The following P2RY8 variants were observed in gnomAD, a reference collection of about 807,000 sequenced individuals.
The protein encoded by P2RY8 is S-geranylgeranyl-glutathione receptor P2RY8.
P2RY8 carries 6 observed loss-of-function variants against 10.0 expected under a neutral mutation model. That is an observed-to-expected ratio of 0.60 (90% CI 0.33 to 1.19). P2RY8 has a LOEUF of 1.19. Ranked by LOEUF, P2RY8 falls within the 50% of genes most tolerant of loss-of-function variation. The pLI is 0.04. For synonymous variants in P2RY8, 276 were observed against 252.5 expected (o/e 1.09, Z -0.88); for missense variants, 456 against 542.0 (o/e 0.84, Z 1.58).
chrX:1,519,535 T>G (rs1336894903), intron 1 of P2RY8, among the ~76,000 whole-genome samples: 1 of 150,738 alleles, frequency 6.6e-6, no homozygotes, highest in African/African-American at 2.4e-5. Context: ...GGTCCCAATA[T>G]TCTCTCTGGT....
At chrX:1,480,165 G>A (rs28685231) in intron 1 of P2RY8, among the ~76,000 whole-genome samples, 21,119 of 152,066 alleles carry the variant, frequency 0.14, 3,322 homozygotes, top group African/African-American at 0.39. Context: ...GCTTACAGCT[G>A]ATAGACAAGG....
In P2RY8 at chrX:1,521,306, A is replaced by G. The variant is rs185258106; in HGVS notation, c.-25+15615T>C. Among the ~76,000 whole-genome samples, 844 of 152,050 alleles carry G rather than the reference A, an allele frequency of 5.6e-3. 3 individuals are homozygous for G. Among genetic ancestry groups the G allele is most frequent in the African/African-American group, 0.019 (805 of 41,494 alleles). ...CGTCATCCGCCCGCCTTGGCCTCCC[A>G]AAGTGCTGGGATTACAGGCATGAGC... On this transcript the variant is annotated intron_variant, in intron 1 of 1. Coordinates refer to ENST00000381297, the MANE Select transcript of P2RY8 (RefSeq NM_178129.5).
rs760195384 is a variant in P2RY8, at chrX:1,505,019, T to C, written c.-25+31902A>G. 3.4e-4 allele frequency among the ~76,000 whole-genome samples: 51 copies of C among 151,552 alleles called. 4 individuals carry two copies. The South Asian group carries it at 0.01, about 31-fold the overall frequency. On this transcript the variant is annotated intron_variant, in intron 1 of 1. Transcript: ENST00000381297. The stretch of plus-strand genomic sequence containing the variant: ...CGGGCGTGGTGGCAGGCGCCTGTAG[T>C]CCCAGCTACTTGGGAGGCTGAGGCA...
intron 1 of P2RY8, among the ~76,000 whole-genome samples, chrX:1,509,808 T>TGTATCCATC (rs1569538166): frequency 0.062 from 4,886 of 79,404 alleles, 220 homozygotes; most frequent in Non-Finnish European, 0.12. Context: ...TATCTATCTA[T>TGTATCCATC]CTATCTATCT....
rs182755358 is a variant in P2RY8, at chrX:1,532,049, C to T, written c.-25+4872G>A. ...GAACTACCATTTGATCCAGCAATCC[C>T]ACTGCTGGGTATCTAGGTAGAGGAA... On this transcript the variant is annotated intron_variant, in intron 1 of 1. Coordinates refer to ENST00000381297, the MANE Select transcript of P2RY8 (RefSeq NM_178129.5). Among the ~76,000 whole-genome samples the T allele has an allele frequency of 3.6e-3, 541 of 152,164 alleles. 2 individuals are homozygous for T. The highest frequency in any genetic ancestry group is 0.012 in the African/African-American group (502 of 41,510).
intron 1 of P2RY8, among the ~76,000 whole-genome samples, chrX:1,480,279 G>GTTTCTTCCT (rs2091919392): frequency 6.8e-6 from 1 of 146,696 alleles, no homozygotes; most frequent in African/African-American, 2.5e-5. Context: ...AGGTTGACAT[G>GTTTCTTCCT]TTTCTTTCTT....
At chrX:1,471,752 T>C (rs1395363243) in intron 1 of P2RY8, among the ~76,000 whole-genome samples, 5 of 152,036 alleles carry the variant, frequency 3.3e-5, no homozygotes, top group African/African-American at 1.2e-4. Flanking sequence ...GGATGAGAAA[T>C]AGACAAAAGG....
chrX:1,466,265 C>T lies in P2RY8; in HGVS notation c.294G>A (p.Val98=). The T allele has an allele frequency of 6.2e-7, 1 of 1,613,870 alleles. No homozygotes were observed. The highest frequency in any genetic ancestry group is 8.5e-7 in the Non-Finnish European group (1 of 1,179,840). ...TGTTTGCGTAAAAGGCCACGGTCACCACGTTGCAAAGCAGCACCCCGAATA... is the reference window on the plus strand; with the variant it reads ...TGTTTGCGTAAAAGGCCACGGTCACTACGTTGCAAAGCAGCACCCCGAATA... ...HWVFGVLLCN[V]VTVAFYANMY... is the part of the protein sequence containing the mutation. Residue 98 remains valine, a synonymous_variant, in exon 2 of 2, where the codon GTG becomes GTA. Transcript: ENST00000381297.
chrX:1,482,237 A>G (rs2149385218), intron 1 of P2RY8, among the ~76,000 whole-genome samples: 1 of 150,818 alleles, frequency 6.6e-6, no homozygotes, highest in African/African-American at 2.4e-5. Context: ...TCACTCTGGA[A>G]GGCAGGAAGC....
At position 1,496,471 on chromosome X, in the gene P2RY8, TTCTC is replaced by T. The variant is rs1198946681; in HGVS notation, c.-24-29893_-24-29890del. Among the ~76,000 whole-genome samples the T allele has an allele frequency of 5.3e-5, 8 of 152,062 alleles. No homozygotes were observed. The East Asian group carries it at 1.4e-3, about 26-fold the overall frequency. On this transcript the variant is annotated intron_variant, in intron 1 of 1. Coordinates refer to ENST00000381297, the MANE Select transcript of P2RY8 (RefSeq NM_178129.5). ...CCTGCCCTCTGCCCTCTCAGAGGGT[TTCTC>T]TCTCTCTCCGCTCAGTTCACAGGAA...
chrX:1,499,321 A>G (rs1295510937), intron 1 of P2RY8, among the ~76,000 whole-genome samples: 2 of 151,024 alleles, frequency 1.3e-5, no homozygotes, highest in African/African-American at 4.9e-5. Flanking sequence ...GTGTGCCACC[A>G]CGCCTGGCCA....
At chrX:1,498,157 A>T (rs2092135166) in intron 1 of P2RY8, among the ~76,000 whole-genome samples, 1 of 152,046 alleles carries the variant, frequency 6.6e-6, no homozygotes, top group South Asian at 2.1e-4. Flanking sequence ...CTGTCATCCC[A>T]GCACTTTGGG....
At chrX:1,467,951 C>G (rs1239379454) in intron 1 of P2RY8, among the ~76,000 whole-genome samples, 3 of 149,522 alleles carry the variant, frequency 2.0e-5, no homozygotes, top group Non-Finnish European at 3.0e-5. Context: ...GTAGCTGGGA[C>G]TACAGGTGAC....
At chrX:1,480,021 C>G (rs1329909788) in intron 1 of P2RY8, among the ~76,000 whole-genome samples, 2 of 152,100 alleles carry the variant, frequency 1.3e-5, no homozygotes, top group Admixed American at 6.6e-5. Flanking sequence ...AGGCTCCAGG[C>G]CCAGATGGGT....
At chrX:1,473,809 T>C (rs1428748159) in intron 1 of P2RY8, among the ~76,000 whole-genome samples, 1 of 81,180 alleles carries the variant, frequency 1.2e-5, no homozygotes, top group Non-Finnish European at 2.4e-5. Flanking sequence ...GGTTTGTGAA[T>C]GGGTGAGTGG....
intron 1 of P2RY8, among the ~76,000 whole-genome samples, chrX:1,535,602 G>A (rs1419878157): frequency 6.6e-6 from 1 of 151,830 alleles, no homozygotes; most frequent in East Asian, 1.9e-4. Context: ...TTCCCCACGG[G>A]CTTCAGCTCC....
rs2091649096 is a variant in P2RY8 at position 1,465,326 on chromosome X, A to T, written c.*153T>A. 2 of 1,272,932 alleles carry T rather than the reference A, an allele frequency of 1.6e-6. No individual in the cohort carries two copies. The highest frequency in any genetic ancestry group is 2.1e-6 in the Non-Finnish European group (2 of 942,954). 78.9% of individuals were successfully genotyped at this position (1,272,932 alleles called of 1,614,324 possible). A position where few individuals can be genotyped will look rare whatever the true frequency, so the allele number is the denominator to read the frequency against. On this transcript the variant is annotated 3_prime_UTR_variant, in exon 2 of 2. Coordinates refer to ENST00000381297, the MANE Select transcript of P2RY8 (RefSeq NM_178129.5). The stretch of plus-strand genomic sequence containing the variant: ...CACCGGTGCCTCTGCAGTGCCTGGG[A>T]GGAATAAAGCCTGGAGACCCTTCCC...
intron 1 of P2RY8, among the ~76,000 whole-genome samples, chrX:1,492,670 A>C (rs763262099): frequency 2.6e-5 from 4 of 152,234 alleles, no homozygotes; most frequent in Admixed American, 6.5e-5. Flanking sequence ...AGCTCGACTC[A>C]AGTTTCTATT....
intron 1 of P2RY8, among the ~76,000 whole-genome samples, chrX:1,505,768 C>T (rs1242255162): frequency 5.3e-5 from 8 of 151,834 alleles, no homozygotes; most frequent in Non-Finnish European, 1.2e-4. Flanking sequence ...CCAGCTTGGG[C>T]GACAGAGCAA....
Sources: gnomAD v4.1 joint callset for allele counts (sites outside exome capture counted in the v4.1 genomes callset) on GRCh38, gnomAD v4.1.1 for gene constraint, MANE v1.5 for transcripts, NCBI Gene and HGNC (gene_info 2026-07-23, HGNC 2026-07-21) for gene names.